GPC6: variants seen among roughly 807,000 people sequenced by gnomAD.
The protein encoded by GPC6 is glypican-6.
A neutral mutation model predicts 55.2 loss-of-function variants in GPC6; 14 were observed. That is an observed-to-expected ratio of 0.25 (90% confidence interval 0.17 to 0.40). The LOEUF (loss-of-function observed/expected upper bound fraction) is 0.40, where lower values mean the gene tolerates loss of function less well. GPC6 is among the 10% of genes least tolerant of loss of function. GPC6 has a pLI of 1.00. For missense variants in GPC6, 641 were observed against 708.5 expected, an observed-to-expected ratio of 0.90 and a Z score of 1.08; for synonymous variants, 278 against 259.6, an observed-to-expected ratio of 1.07 and a Z score of -0.68.
intron 1 of GPC6, among the ~76,000 whole-genome samples, chr13:93,437,798 A>C (rs1877631340): frequency 6.6e-6 from 1 of 152,218 alleles, no homozygotes. Flanking sequence ...TACACTAAAC[A>C]ACAGATTTTC....
At chr13:93,780,873 T>G (rs1211277405) in intron 2 of GPC6, among the ~76,000 whole-genome samples, 1 of 152,220 alleles carries the variant, frequency 6.6e-6, no homozygotes, top group Non-Finnish European at 1.5e-5. Flanking sequence ...TGAGCTTGTC[T>G]TTATTGACTG....
At chr13:93,443,039 A>G (rs1411550809) in intron 1 of GPC6, among the ~76,000 whole-genome samples, 2 of 152,136 alleles carry the variant, frequency 1.3e-5, no homozygotes, top group Non-Finnish European at 2.9e-5. Flanking sequence ...TAATATCTGT[A>G]TGTGCATAAC....
chr13:93,526,047 A>G (rs888545523), intron 1 of GPC6, among the ~76,000 whole-genome samples: 2 of 152,062 alleles, frequency 1.3e-5, no homozygotes, highest in African/African-American at 2.4e-5. Flanking sequence ...ATATCTTGCC[A>G]TGAATTATAT....
intron 4 of GPC6, among the ~76,000 whole-genome samples, chr13:94,047,083 G>A (rs939448813): frequency 1.3e-5 from 2 of 152,178 alleles, no homozygotes; most frequent in East Asian, 3.9e-4. Flanking sequence ...TAATCAGGAA[G>A]CCAAGTACTA....
At chr13:94,391,989 C>T (rs1453027275) in intron 7 of GPC6, among the ~76,000 whole-genome samples, 1 of 152,222 alleles carries the variant, frequency 6.6e-6, no homozygotes, top group African/African-American at 2.4e-5. Context: ...CTTTCTAAGG[C>T]TGAATTATAT....
At chr13:94,216,945 AACC>A (rs1890244013) in intron 4 of GPC6, among the ~76,000 whole-genome samples, 1 of 152,310 alleles carries the variant, frequency 6.6e-6, no homozygotes, top group South Asian at 2.1e-4. Context: ...CTGGGTCTCA[AACC>A]AGCTTTATCA....
intron 3 of GPC6, among the ~76,000 whole-genome samples, chr13:94,004,968 A>C (rs1881952968): frequency 1.3e-5 from 2 of 152,122 alleles, no homozygotes; most frequent in East Asian, 3.9e-4. Context: ...AGGCTGAGGC[A>C]GGAGAATCGC....
intron 6 of GPC6, among the ~76,000 whole-genome samples, chr13:94,335,218 A>G (rs549376549): frequency 6.6e-6 from 1 of 152,348 alleles, no homozygotes; most frequent in Non-Finnish European, 1.5e-5. Flanking sequence ...AGAAGTCCCT[A>G]TGGAGATAAG....
At chr13:94,312,424 A>C (rs1876294241) in intron 6 of GPC6, among the ~76,000 whole-genome samples, 1 of 152,214 alleles carries the variant, frequency 6.6e-6, no homozygotes, top group South Asian at 2.1e-4. Flanking sequence ...GCTGGTGATA[A>C]AAATGTTCTT....
At chr13:93,875,432 C>T (rs144285312) in intron 3 of GPC6, among the ~76,000 whole-genome samples, 2 of 152,132 alleles carry the variant, frequency 1.3e-5, no homozygotes, top group African/African-American at 4.8e-5. Flanking sequence ...GTCTCAGTTA[C>T]AAAAGCAATA....
At chr13:93,338,237 A>G in intron 1 of GPC6, among the ~76,000 whole-genome samples, 1 of 152,176 alleles carries the variant, frequency 6.6e-6, no homozygotes, top group East Asian at 1.9e-4. Context: ...GCAGCTGATG[A>G]CTGAGTGGAT....
At chr13:94,089,435 C>T (rs1270925579) in intron 4 of GPC6, among the ~76,000 whole-genome samples, 3 of 152,160 alleles carry the variant, frequency 2.0e-5, no homozygotes, top group Non-Finnish European at 4.4e-5. Flanking sequence ...AGAAAGGATT[C>T]TTACATCCTT....
intron 1 of GPC6, among the ~76,000 whole-genome samples, chr13:93,294,611 C>T (rs948890363): frequency 6.6e-6 from 1 of 152,112 alleles, no homozygotes; most frequent in Non-Finnish European, 1.5e-5. Context: ...CATTGCCTGT[C>T]TCGAAGTTGC....
At position 94,197,419 on chromosome 13, in the gene GPC6, T is replaced by G. The variant is rs540474318; in HGVS notation, c.878-88930T>G. ...GGTGTCTTAAACAACAGACATTTAT[T>G]ATAATTCTAGAGACCAGAAGTCCAA... On this transcript the variant is annotated intron_variant, in intron 4 of 8. Coordinates refer to ENST00000377047, the MANE Select transcript of GPC6 (RefSeq NM_005708.5). Among the ~76,000 whole-genome samples, 3 of 152,342 alleles carry G rather than the reference T, an allele frequency of 2.0e-5. No homozygotes were observed. In the East Asian group the frequency reaches 5.8e-4, roughly 29 times the overall value.
chr13:94,362,118 A>T (rs371994448), intron 6 of GPC6, among the ~76,000 whole-genome samples: 24 of 152,346 alleles, frequency 1.6e-4, no homozygotes, highest in African/African-American at 5.3e-4. Context: ...CTGGAAAGTC[A>T]AAGTGCTAAA....
intron 3 of GPC6, among the ~76,000 whole-genome samples, chr13:93,984,632 A>G (rs1880946288): frequency 6.6e-6 from 1 of 152,210 alleles, no homozygotes; most frequent in Non-Finnish European, 1.5e-5. Flanking sequence ...GAGCAGAGAA[A>G]TTAAAACATG....
chr13:93,903,801 TA>T (rs1164810578), intron 3 of GPC6, among the ~76,000 whole-genome samples: 5 of 152,214 alleles, frequency 3.3e-5, no homozygotes, highest in Non-Finnish European at 1.5e-5. Flanking sequence ...CAACTGTTTT[TA>T]AAATCCTACT....
chr13:93,578,571 G>T (rs1303859535), intron 2 of GPC6, among the ~76,000 whole-genome samples: 2 of 147,844 alleles, frequency 1.4e-5, no homozygotes, highest in Non-Finnish European at 1.5e-5. Flanking sequence ...TTTTATTTGG[G>T]TCTTTTTTTC....
intron 6 of GPC6, among the ~76,000 whole-genome samples, chr13:94,360,187 T>A (rs1878991935): frequency 6.6e-6 from 1 of 151,866 alleles, no homozygotes; most frequent in African/African-American, 2.4e-5. Flanking sequence ...CCAGGAGGAG[T>A]TTTTAGGACT....
Sources: allele counts gnomAD v4.1 joint callset (sites outside exome capture counted in the v4.1 genomes callset), GRCh38; gene constraint gnomAD v4.1.1; transcripts MANE v1.5; gene names NCBI Gene and HGNC (gene_info 2026-07-23, HGNC 2026-07-21).